ADAMTS18: variants seen among roughly 807,000 people sequenced by gnomAD.
ADAMTS18 encodes ADAM metallopeptidase with thrombospondin type 1 motif 18, also known as A disintegrin and metalloproteinase with thrombospondin motifs 18.
Under a neutral mutation model 165.9 loss-of-function variants are expected in ADAMTS18, and 157 were observed. That is an observed-to-expected ratio of 0.95 (90% CI 0.83 to 1.08). The LOEUF (loss-of-function observed/expected upper bound fraction) is 1.08, where lower values mean the gene tolerates loss of function less well. Ranked by LOEUF, ADAMTS18 falls within the 50% of genes least tolerant of loss-of-function variation. ADAMTS18 has a pLI of 0.00. For missense variants in ADAMTS18, 2,040 were observed against 1,534.0 expected (o/e 1.33, Z -5.51); for synonymous variants, 782 against 578.2 (o/e 1.35, Z -5.06).
intron 9 of ADAMTS18, among the ~76,000 whole-genome samples, chr16:77,355,473 T>C (rs1034801890): frequency 6.6e-6 from 1 of 152,294 alleles, no homozygotes; most frequent in Admixed American, 6.5e-5. Flanking sequence ...TGAGCATTTT[T>C]AAAATACTCT....
At chr16:77,329,431 G>T (rs562216723) in intron 12 of ADAMTS18, among the ~76,000 whole-genome samples, 4 of 152,098 alleles carry the variant, frequency 2.6e-5, no homozygotes, top group Non-Finnish European at 5.9e-5. Context: ...AGTATTCTCT[G>T]CCTCCTCCCA....
At chr16:77,387,523 T>A (rs1441330938) in intron 3 of ADAMTS18, among the ~76,000 whole-genome samples, 1 of 152,192 alleles carries the variant, frequency 6.6e-6, no homozygotes, top group African/African-American at 2.4e-5. Context: ...CTCTGACCAT[T>A]CATACCTCCT....
At chr16:77,420,074 C>T (rs2057582399) in intron 3 of ADAMTS18, among the ~76,000 whole-genome samples, 2 of 149,358 alleles carry the variant, frequency 1.3e-5, no homozygotes, top group African/African-American at 4.9e-5. Context: ...TCACAACACC[C>T]CTTCGAAGCC....
chr16:77,319,060 T>A (rs1371255974), intron 16 of ADAMTS18, among the ~76,000 whole-genome samples: 1 of 152,168 alleles, frequency 6.6e-6, no homozygotes, highest in Non-Finnish European at 1.5e-5. Flanking sequence ...TCATTTTTTT[T>A]ACCTTTTTTC....
intron 3 of ADAMTS18, among the ~76,000 whole-genome samples, chr16:77,400,667 G>C (rs2057319442): frequency 6.6e-6 from 1 of 151,636 alleles, no homozygotes; most frequent in East Asian, 2.0e-4. Flanking sequence ...ATTTTTAGTA[G>C]AGACAGGGTT....
chr16:77,301,766 A>C (rs2055587350), intron 16 of ADAMTS18, among the ~76,000 whole-genome samples: 1 of 152,196 alleles, frequency 6.6e-6, no homozygotes, highest in African/African-American at 2.4e-5. Context: ...ACTAACTCTT[A>C]AGATTCCATG....
intron 3 of ADAMTS18, among the ~76,000 whole-genome samples, chr16:77,408,095 C>T (rs1393119221): frequency 6.6e-6 from 1 of 151,930 alleles, no homozygotes. Context: ...TCTAAATGTC[C>T]AGTAAATGTG....
chr16:77,363,015 T>A (rs923332005), intron 6 of ADAMTS18, among the ~76,000 whole-genome samples: 1 of 152,210 alleles, frequency 6.6e-6, no homozygotes, highest in Non-Finnish European at 1.5e-5. Flanking sequence ...CCTGGGCAAT[T>A]AGATCAACTT....
intron 22 of ADAMTS18, among the ~76,000 whole-genome samples, chr16:77,285,630 A>C (rs1286835667): frequency 1.3e-5 from 2 of 152,190 alleles, no homozygotes; most frequent in Admixed American, 1.3e-4. Context: ...GTCAGGCAGG[A>C]GAAGTGAGAT....
intron 7 of ADAMTS18, among the ~76,000 whole-genome samples, chr16:77,359,813 G>A (rs776879383): frequency 2.8e-4 from 43 of 152,182 alleles, no homozygotes; most frequent in Non-Finnish European, 6.0e-4. Flanking sequence ...AATGCTCACT[G>A]AACAGTGGCA....
At chr16:77,337,182 C>T (rs1223426443) in intron 11 of ADAMTS18, among the ~76,000 whole-genome samples, 1 of 152,172 alleles carries the variant, frequency 6.6e-6, no homozygotes, top group Non-Finnish European at 1.5e-5. Context: ...AACCATATAA[C>T]ACTATTGAGA....
At position 77,398,434 on chromosome 16, in the gene ADAMTS18, G is replaced by A. The variant is rs369946048; in HGVS notation, c.496-30711C>T. On this transcript the variant is annotated intron_variant, in intron 3 of 22. Transcript: ENST00000282849. ...TAACAATCACACACGACAGAGAAAC[G>A]GAGGGCTTCCAGAAGGCAGTGATCA... is the stretch of plus-strand genomic sequence containing the variant. Among the ~76,000 whole-genome samples, 22 of 152,250 alleles carry A rather than the reference G, an allele frequency of 1.4e-4. No homozygotes were observed. In the East Asian group the frequency reaches 2.5e-3, roughly 17 times the overall value.
At position 77,282,486 on chromosome 16, in the gene ADAMTS18, C is replaced by G. The variant is rs1040012936; in HGVS notation, c.*1470G>C. On this transcript the variant is annotated 3_prime_UTR_variant, in exon 23 of 23. Transcript: ENST00000282849. The stretch of plus-strand genomic sequence containing the variant: ...TTCTCTGGGATTCAAGAACTCATGA[C>G]TTTAATTAGAATGGGAACGAAGTAT... The G allele has an allele frequency of 6.6e-6, 1 of 152,562 alleles. No homozygotes were observed. Among genetic ancestry groups the G allele is most frequent in the South Asian group, 2.1e-4 (1 of 4,830 alleles). 9.5% of individuals were successfully genotyped at this position (152,562 alleles called of 1,614,324 possible). A position where few individuals can be genotyped will look rare whatever the true frequency, so the allele number is the denominator to read the frequency against.
At chr16:77,351,498 G>A (rs980969580) in intron 10 of ADAMTS18, among the ~76,000 whole-genome samples, 1 of 152,162 alleles carries the variant, frequency 6.6e-6, no homozygotes, top group African/African-American at 2.4e-5. Flanking sequence ...CTGAAGGAAT[G>A]ATAGTAATTT....
intron 16 of ADAMTS18, among the ~76,000 whole-genome samples, chr16:77,306,389 G>A (rs1336021135): frequency 2.6e-5 from 4 of 152,212 alleles, no homozygotes; most frequent in South Asian, 2.1e-4. Flanking sequence ...CTCTCTGAAG[G>A]AAGGGGATGC....
intron 3 of ADAMTS18, among the ~76,000 whole-genome samples, chr16:77,386,260 G>C (rs1415569965): frequency 1.3e-5 from 2 of 152,078 alleles, no homozygotes. Flanking sequence ...TCATCAACCT[G>C]GCTGACCACC....
intron 4 of ADAMTS18, among the ~76,000 whole-genome samples, chr16:77,367,096 A>C (rs2056806203): frequency 6.6e-6 from 1 of 152,110 alleles, no homozygotes; most frequent in African/African-American, 2.4e-5. Context: ...TTGTGTCCTC[A>C]AAGGAGACAT....
chr16:77,344,637 G>T (rs2056448758), intron 10 of ADAMTS18, among the ~76,000 whole-genome samples: 1 of 152,094 alleles, frequency 6.6e-6, no homozygotes, highest in East Asian at 1.9e-4. Flanking sequence ...CACCAAAATG[G>T]CCCTAGGGCA....
In ADAMTS18 at chr16:77,417,866, C is replaced by T. The variant is rs562384040; in HGVS notation, c.495+13429G>A. ...GCACACATTTGCAAAGCACAGGAAA[C>T]ATCCCTTATTTCATTTTCAGAACAG... On this transcript the variant is annotated intron_variant, in intron 3 of 22. Transcript: ENST00000282849. Among the ~76,000 whole-genome samples the T allele has an allele frequency of 1.6e-4, 24 of 152,274 alleles. No individual in the cohort carries two copies. In the South Asian group the frequency reaches 5.0e-3, roughly 32 times the overall value.
Sources: allele counts gnomAD v4.1 joint callset (sites outside exome capture counted in the v4.1 genomes callset), GRCh38; gene constraint gnomAD v4.1.1; transcripts MANE v1.5; gene names NCBI Gene and HGNC (gene_info 2026-07-23, HGNC 2026-07-21).